The following PDE4B variants were observed in gnomAD, a reference collection of about 807,000 sequenced individuals.
PDE4B encodes phosphodiesterase 4B.
PDE4B carries 20 observed loss-of-function variants against 82.2 expected under a neutral mutation model. That is an observed-to-expected ratio of 0.24 (90% confidence interval 0.17 to 0.35). The LOEUF (loss-of-function observed/expected upper bound fraction) is 0.35, where lower values mean the gene tolerates loss of function less well. Ranked by LOEUF, PDE4B falls within the 10% of genes least tolerant of loss-of-function variation. The pLI, the probability that PDE4B is intolerant of heterozygous loss-of-function variation, is 1.00. For synonymous variants in PDE4B, 320 were observed against 318.9 expected, an observed-to-expected ratio of 1.00 and a Z score of -0.04; for missense variants, 655 against 907.2, an observed-to-expected ratio of 0.72 and a Z score of 3.57.
chr1:65,848,094 G>T (rs1646287128), intron 1 of PDE4B, among the ~76,000 whole-genome samples: 1 of 151,942 alleles, frequency 6.6e-6, no homozygotes. Flanking sequence ...GAACTATGAG[G>T]TATAATTTTT....
At chr1:66,120,745 C>A (rs558800962) in intron 3 of PDE4B, among the ~76,000 whole-genome samples, 86 of 152,222 alleles carry the variant, frequency 5.6e-4, no homozygotes, top group African/African-American at 2.0e-3. Context: ...ACTGCCTCTA[C>A]CCCTCTCTAT....
intron 3 of PDE4B, among the ~76,000 whole-genome samples, chr1:66,214,433 T>C (rs908738934): frequency 6.6e-6 from 1 of 152,120 alleles, no homozygotes; most frequent in Non-Finnish European, 1.5e-5. Context: ...TGAATTCTTG[T>C]TTTCTCAGCA....
chr1:66,000,882 G>C (rs1465756116), intron 3 of PDE4B, among the ~76,000 whole-genome samples: 1 of 152,092 alleles, frequency 6.6e-6, no homozygotes, highest in Non-Finnish European at 1.5e-5. Context: ...AGTGATCTAG[G>C]AGCCATTTGG....
At chr1:66,164,561 AAGAAAGAAAG>A (rs1257346043) in intron 3 of PDE4B, among the ~76,000 whole-genome samples, 2 of 134,400 alleles carry the variant, frequency 1.5e-5, no homozygotes, top group South Asian at 2.3e-4. Context: ...AAAAAAAAAA[AAGAAAGAAAG>A]AAAGAAAAAG....
intron 7 of PDE4B, among the ~76,000 whole-genome samples, chr1:66,312,649 T>C (rs1355646188): frequency 6.6e-6 from 1 of 152,224 alleles, no homozygotes; most frequent in Non-Finnish European, 1.5e-5. Flanking sequence ...TGTTTACAGG[T>C]TGCAGGGATT....
intron 3 of PDE4B, among the ~76,000 whole-genome samples, chr1:66,175,667 G>A (rs1646918472): frequency 6.6e-6 from 1 of 152,206 alleles, no homozygotes; most frequent in Non-Finnish European, 1.5e-5. Flanking sequence ...TGCAGTGTGA[G>A]TGAAATGCCT....
chr1:66,173,314 G>A (rs964819749), intron 3 of PDE4B, among the ~76,000 whole-genome samples: 5 of 152,202 alleles, frequency 3.3e-5, no homozygotes, highest in Non-Finnish European at 5.9e-5. Context: ...ACTTTCTCCT[G>A]AAAGCTGTGA....
At chr1:66,094,662 C>T (rs1417010278) in intron 3 of PDE4B, 1 of 151,946 alleles carries the variant, frequency 6.6e-6, no homozygotes, top group Admixed American at 6.6e-5. Flanking sequence ...AAAGATGGTT[C>T]TCTGTTGTTT....
intron 2 of PDE4B, 54 bp downstream of exon 2, chr1:65,913,410 G>A (rs1386000411): frequency 1.0e-5 from 16 of 1,558,862 alleles, no homozygotes; most frequent in Non-Finnish European, 1.4e-5. Context: ...AGAAGTCACT[G>A]GATAATTCTA....
chr1:66,257,061 A>T (rs932200252), intron 4 of PDE4B, among the ~76,000 whole-genome samples: 5 of 152,212 alleles, frequency 3.3e-5, no homozygotes, highest in Non-Finnish European at 5.9e-5. Context: ...ATGGAGTGAC[A>T]ATGGTATGAT....
chr1:66,322,160 C>A (rs1255979152), intron 7 of PDE4B, among the ~76,000 whole-genome samples: 3 of 152,080 alleles, frequency 2.0e-5, no homozygotes, highest in Non-Finnish European at 4.4e-5. Context: ...ATACCGTATA[C>A]AAAAATTAAC....
intron 3 of PDE4B, among the ~76,000 whole-genome samples, chr1:66,104,863 C>T (rs7416658): frequency 0.5 from 69,082 of 138,130 alleles, 16,824 homozygotes; most frequent in East Asian, 0.63. Flanking sequence ...GAGTAGGTTG[C>T]GAAAATTTTC....
chr1:65,882,753 A>C (rs1391408657), intron 1 of PDE4B, among the ~76,000 whole-genome samples: 1 of 152,032 alleles, frequency 6.6e-6, no homozygotes, highest in Non-Finnish European at 1.5e-5. Context: ...AATGTTTTAC[A>C]TGTTTTTATA....
At chr1:65,865,964 G>C (rs1646506273) in intron 1 of PDE4B, among the ~76,000 whole-genome samples, 1 of 152,100 alleles carries the variant, frequency 6.6e-6, no homozygotes, top group Admixed American at 6.5e-5. Flanking sequence ...GTGAATTGTA[G>C]CTGCTCTGTA....
chr1:65,835,554 C>G (rs1286173966), intron 1 of PDE4B, among the ~76,000 whole-genome samples: 2 of 152,172 alleles, frequency 1.3e-5, no homozygotes, highest in East Asian at 3.8e-4. Context: ...CAAATCCAAC[C>G]ATCTTGAGTA....
At chr1:66,189,708 A>G (rs539246219) in intron 3 of PDE4B, among the ~76,000 whole-genome samples, 1 of 151,694 alleles carries the variant, frequency 6.6e-6, no homozygotes, top group Non-Finnish European at 1.5e-5. Context: ...ACTTCTCTGC[A>G]TTGGTTATTC....
chr1:65,841,152 G>C (rs1423188580), intron 1 of PDE4B, among the ~76,000 whole-genome samples: 1 of 152,030 alleles, frequency 6.6e-6, no homozygotes, highest in Non-Finnish European at 1.5e-5. Flanking sequence ...CAAAAAATTA[G>C]CTGGGTGTGG....
At chr1:66,266,404 G>C (rs570109330) in intron 7 of PDE4B, among the ~76,000 whole-genome samples, 1 of 152,312 alleles carries the variant, frequency 6.6e-6, no homozygotes, top group African/African-American at 2.4e-5. Context: ...ACCTCAGCTT[G>C]CTGGCCCCAA....
rs1655459294 is a variant in PDE4B at position 66,271,349 on chromosome 1, C to T, written c.634+5262C>T. Among the ~76,000 whole-genome samples, 2 of 152,224 alleles carry T rather than the reference C, an allele frequency of 1.3e-5. 1 individual carries two copies. Among genetic ancestry groups the T allele is most frequent in the African/African-American group, 4.8e-5 (2 of 41,448 alleles). ...TTGAGTCCGTTCCGTGTTGACTCCACTTCACATTTTTGTACTGCTGAGAAA... is the reference window on the plus strand; with the variant it reads ...TTGAGTCCGTTCCGTGTTGACTCCATTTCACATTTTTGTACTGCTGAGAAA... On this transcript the variant is annotated intron_variant, in intron 7 of 16. Transcript: ENST00000341517.
Sources: gnomAD v4.1 joint callset for allele counts (sites outside exome capture counted in the v4.1 genomes callset) on GRCh38, gnomAD v4.1.1 for gene constraint, MANE v1.5 for transcripts, NCBI Gene and HGNC (gene_info 2026-07-23, HGNC 2026-07-21) for gene names.